SLC16A6: variants seen among roughly 807,000 people sequenced by gnomAD.
SLC16A6 encodes the protein solute carrier family 16 member 6, also known as monocarboxylate transporter 7.
Under a neutral mutation model 33.8 loss-of-function variants are expected in SLC16A6, and 15 were observed. That is an observed-to-expected ratio of 0.44 (90% CI 0.30 to 0.68). SLC16A6 has a LOEUF of 0.68. SLC16A6 is among the 30% of genes least tolerant of loss of function. The probability of loss-of-function intolerance (pLI) is 0.10; values close to 1 mark genes in which losing one functional copy is unlikely to be tolerated. For missense variants in SLC16A6, 451 were observed against 661.5 expected (o/e 0.68, Z 3.49); for synonymous variants, 219 against 248.4 (o/e 0.88, Z 1.11).
At chr17:68,283,743 T>G (rs1323117959) in intron 1 of SLC16A6, among the ~76,000 whole-genome samples, 1 of 151,508 alleles carries the variant, frequency 6.6e-6, no homozygotes, top group Non-Finnish European at 1.5e-5. Context: ...CCGGGTGTGG[T>G]GGCGCACGCC....
intron 1 of SLC16A6, among the ~76,000 whole-genome samples, chr17:68,287,227 G>T (rs1330024888): frequency 2.0e-5 from 3 of 152,196 alleles, no homozygotes; most frequent in African/African-American, 7.2e-5. Flanking sequence ...TGATCTGCCT[G>T]CTTTGGCCTC....
intron 1 of SLC16A6, among the ~76,000 whole-genome samples, chr17:68,287,700 T>A (rs2075872328): frequency 6.6e-6 from 1 of 152,186 alleles, no homozygotes; most frequent in African/African-American, 2.4e-5. Flanking sequence ...TTTATGCCTT[T>A]ATCATCCTAA....
At position 68,281,720 on chromosome 17, in the gene SLC16A6, T is replaced by A. The variant is rs573834570; in HGVS notation, c.-7-3393A>T. Among the ~76,000 whole-genome samples the A allele has an allele frequency of 1.0e-3, 158 of 152,306 alleles. 1 individual carries two copies. The highest frequency in any genetic ancestry group is 3.7e-3 in the African/African-American group (153 of 41,564). On this transcript the variant is annotated intron_variant, in intron 1 of 5. Coordinates refer to ENST00000580666, the MANE Select transcript of SLC16A6 (RefSeq NM_004694.5). ...AAATCAAAACCACAGTGAGGTATCATCTTACCTCATTTGGGATGGCTATGA... is the reference window on the plus strand; with the variant it reads ...AAATCAAAACCACAGTGAGGTATCAACTTACCTCATTTGGGATGGCTATGA...
chr17:68,282,272 C>T (rs4312365), intron 1 of SLC16A6, among the ~76,000 whole-genome samples: 74,318 of 151,432 alleles, frequency 0.49, 20,088 homozygotes, highest in African/African-American at 0.73. Flanking sequence ...AAACACCACA[C>T]GTTCTCACTC....
intron 1 of SLC16A6, among the ~76,000 whole-genome samples, chr17:68,281,470 G>A (rs1448236470): frequency 5.9e-5 from 9 of 152,050 alleles, no homozygotes; most frequent in East Asian, 1.9e-4. Flanking sequence ...AGCTACTCGC[G>A]AGGCTGAGGC....
At chr17:68,285,949 C>G (rs1555754214) in intron 1 of SLC16A6, among the ~76,000 whole-genome samples, 1 of 152,086 alleles carries the variant, frequency 6.6e-6, no homozygotes, top group Non-Finnish European at 1.5e-5. Context: ...TTAGTAGAGA[C>G]AGGGTTTCAC....
At chr17:68,284,775 C>T (rs530243935) in intron 1 of SLC16A6, among the ~76,000 whole-genome samples, 69 of 152,266 alleles carry the variant, frequency 4.5e-4, no homozygotes, top group Admixed American at 1.8e-3. Context: ...TACACTATTA[C>T]GGCTAAATAT....
intron 2 of SLC16A6, among the ~76,000 whole-genome samples, chr17:68,275,388 T>C (rs2075481755): frequency 6.6e-6 from 1 of 152,194 alleles, no homozygotes. Context: ...CTATGTTAAC[T>C]ATTAGAATAC....
intron 2 of SLC16A6, 53 bp downstream of exon 2, chr17:68,278,036 A>G: frequency 7.9e-7 from 1 of 1,263,468 alleles, no homozygotes; most frequent in Non-Finnish European, 1.1e-6. Context: ...CAAGGTAGCC[A>G]AATTAAAAGG....
Position 68,268,811 on chromosome 17 carries a change from T to C in SLC16A6, c.*285A>G. ...ATCGGAATGTGAACCAAAGAGTCTT[T>C]CTACATATCTCTTGTATTGCTACTG... On this transcript the variant is annotated 3_prime_UTR_variant, in exon 6 of 6. Coordinates refer to ENST00000580666, the MANE Select transcript of SLC16A6 (RefSeq NM_004694.5). The C allele has an allele frequency of 1.7e-5, 7 of 407,898 alleles. No individual in the cohort carries two copies. In the Middle Eastern group the frequency reaches 2.4e-3, roughly 141 times the overall value. 25.3% of individuals were successfully genotyped at this position (407,898 alleles called of 1,614,324 possible). A position where few individuals can be genotyped will look rare whatever the true frequency, so the allele number is the denominator to read the frequency against.
At chr17:68,288,857 A>G (rs894862603) in intron 1 of SLC16A6, among the ~76,000 whole-genome samples, 5 of 152,194 alleles carry the variant, frequency 3.3e-5, no homozygotes, top group African/African-American at 1.2e-4. Context: ...TAGAACTTCT[A>G]TCATCTGTAA....
chr17:68,270,714 TG>T, intron 5 of SLC16A6, 124 bp downstream of exon 5: 1 of 809,926 alleles, frequency 1.2e-6, no homozygotes, highest in Non-Finnish European at 1.9e-6. Context: ...CTCTAATCCC[TG>T]GCAGCTCTAA....
rs548485096 is a variant in SLC16A6 at position 68,271,857 on chromosome 17, C to T, written c.506-203G>A. 9.8e-5 allele frequency among the ~76,000 whole-genome samples: 15 copies of T among 152,304 alleles called. No individual in the cohort carries two copies. Among genetic ancestry groups the T allele is most frequent in the Admixed American group, 6.5e-4 (10 of 15,294 alleles). ...CTCACTCTGTCACCAGGCTGGAGTG[C>T]AGTGGCCTGATCTCAGCTCACCGCA... On this transcript the variant is annotated intron_variant, in intron 4 of 5. Transcript: ENST00000580666. This position sits in a 1 kb window ranked among gnomAD's most constrained non-coding sequence, Gnocchi z 5.3.
At chr17:68,276,891 A>G (rs2075541384) in intron 2 of SLC16A6, among the ~76,000 whole-genome samples, 2 of 152,236 alleles carry the variant, frequency 1.3e-5, no homozygotes, top group Non-Finnish European at 2.9e-5. Context: ...GAAGATTAGT[A>G]TGTTAAAAAT....
At chr17:68,276,301 A>G (rs1219803881) in intron 2 of SLC16A6, among the ~76,000 whole-genome samples, 2 of 152,048 alleles carry the variant, frequency 1.3e-5, no homozygotes, top group African/African-American at 4.8e-5. Context: ...AAACATGTAG[A>G]ACTGCCTTGT....
rs1303453975 is a variant in SLC16A6 at position 68,271,194 on chromosome 17, C to T, written c.966G>A (p.Leu322=). The change falls in exon 5 of 6, where the codon CTG becomes CTA. Residue 322 remains leucine, a synonymous_variant. Transcript: ENST00000580666. This position sits in a 1 kb window ranked among gnomAD's most constrained non-coding sequence, Gnocchi z 5.3. ...AAGCAGCGCGGTCCTGGTCAATGCC[C>T]AGACTAATGCCCAGAGGAATGATGT... ...SLYIIPLGIS[L]GIDQDRAAFL... 2 of 1,613,934 alleles carry T rather than the reference C, an allele frequency of 1.2e-6. No homozygotes were observed. Among genetic ancestry groups the T allele is most frequent in the Non-Finnish European group, 1.7e-6 (2 of 1,180,048 alleles).
chr17:68,270,365 C>A (rs577656231), intron 5 of SLC16A6, among the ~76,000 whole-genome samples: 1 of 152,018 alleles, frequency 6.6e-6, no homozygotes, highest in Non-Finnish European at 1.5e-5. Context: ...ACCATCCTGG[C>A]CAACATGGTG....
intron 2 of SLC16A6, among the ~76,000 whole-genome samples, chr17:68,276,683 G>A (rs1202793450): frequency 6.6e-6 from 1 of 152,078 alleles, no homozygotes; most frequent in African/African-American, 2.4e-5. Flanking sequence ...CAAACTCTAG[G>A]GCTCAAGCAA....
intron 1 of SLC16A6, among the ~76,000 whole-genome samples, chr17:68,281,546 G>T (rs1442106824): frequency 6.6e-6 from 1 of 152,160 alleles, no homozygotes; most frequent in African/African-American, 2.4e-5. Context: ...CTGTACTCCA[G>T]CCTGGTGACA....
Sources: allele counts gnomAD v4.1 joint callset (sites outside exome capture counted in the v4.1 genomes callset), GRCh38; gene constraint gnomAD v4.1.1; non-coding constraint Gnocchi (gnomAD v3.1); transcripts MANE v1.5; gene names NCBI Gene and HGNC (gene_info 2026-07-23, HGNC 2026-07-21).